The following ZNF83 variants were observed in gnomAD, a reference collection of about 807,000 sequenced individuals.
ZNF83 encodes the protein zinc finger protein 83, also known as zinc finger protein 816B.
For synonymous variants in ZNF83, 209 were observed against 213.0 expected (o/e 0.98, Z 0.17); for missense variants, 552 against 629.9 (o/e 0.88, Z 1.32).
intron 2 of ZNF83, among the ~76,000 whole-genome samples, chr19:52,657,987 T>C (rs557742580): frequency 7.4e-4 from 112 of 151,672 alleles, no homozygotes; most frequent in African/African-American, 2.6e-3. Context: ...AAATACAAAA[T>C]TAGCCGGGTA....
At chr19:52,655,645 C>G (rs1260735452) in exon 3 of ZNF83, 1 of 1,391,164 alleles carries the variant, frequency 7.2e-7, no homozygotes, top group Admixed American at 1.7e-5. Flanking sequence ...TTCCACTCCT[C>G]CAAAGAGAAT....
At chr19:52,652,571 C>A in intron 3 of ZNF83, 1 of 432,556 alleles carries the variant, frequency 2.3e-6, no homozygotes, top group Non-Finnish European at 4.7e-6. Context: ...CGTTTCTTTC[C>A]AGTATGAGTT....
At chr19:52,679,656 T>A (rs190131845) in intron 1 of ZNF83, among the ~76,000 whole-genome samples, 10 of 152,186 alleles carry the variant, frequency 6.6e-5, no homozygotes, top group South Asian at 2.1e-4. Context: ...GAAACACTTA[T>A]CAGTCAGTGT....
intron 2 of ZNF83, chr19:52,618,595 C>T: frequency 3.8e-6 from 1 of 259,882 alleles, no homozygotes; most frequent in Non-Finnish European, 7.2e-6. Flanking sequence ...TGACGTTTCG[C>T]CATGTTGGTG....
intron 1 of ZNF83, among the ~76,000 whole-genome samples, chr19:52,672,907 A>T (rs1027998484): frequency 1.3e-5 from 2 of 152,180 alleles, no homozygotes; most frequent in African/African-American, 4.8e-5. Context: ...AATAATTAAT[A>T]AATAGAACAT....
chr19:52,680,816 G>T (rs928593912), intron 1 of ZNF83, among the ~76,000 whole-genome samples: 15 of 149,858 alleles, frequency 1.0e-4, no homozygotes, highest in South Asian at 2.1e-4. Flanking sequence ...GTTTCACCGT[G>T]TTAGCCAGGA....
intron 3 of ZNF83, chr19:52,653,376 C>G: frequency 9.3e-7 from 1 of 1,078,252 alleles, no homozygotes; most frequent in Non-Finnish European, 1.4e-6. Flanking sequence ...GCTGGAAAAC[C>G]TTGCCACATT....
At chr19:52,683,967 C>T (rs1325693273) in intron 1 of ZNF83, among the ~76,000 whole-genome samples, 2 of 152,156 alleles carry the variant, frequency 1.3e-5, no homozygotes, top group Non-Finnish European at 2.9e-5. Context: ...GGCACAGTGA[C>T]TCCCGTCTGC....
chr19:52,676,443 T>TC (rs1159064392), intron 1 of ZNF83, among the ~76,000 whole-genome samples: 8 of 150,336 alleles, frequency 5.3e-5, no homozygotes, highest in South Asian at 2.1e-4. Flanking sequence ...TGGCCGCCCA[T>TC]GTCTGGGATG....
At chr19:52,670,431 C>A in intron 1 of ZNF83, among the ~76,000 whole-genome samples, 1 of 152,184 alleles carries the variant, frequency 6.6e-6, no homozygotes, top group Admixed American at 6.5e-5. Flanking sequence ...GGTACGCACT[C>A]ACCATTGCTC....
chr19:52,642,253 T>G, upstream of ZNF83, among the ~76,000 whole-genome samples: 2 of 130,070 alleles, frequency 1.5e-5, no homozygotes, highest in African/African-American at 2.9e-5. Flanking sequence ...GTGAGGGGAG[T>G]ATTGTAGCTT....
intron 3 of ZNF83, among the ~76,000 whole-genome samples, chr19:52,647,927 C>G (rs1007075060): frequency 2.0e-5 from 3 of 151,454 alleles, no homozygotes; most frequent in South Asian, 2.1e-4. Flanking sequence ...CTCTCTGGCA[C>G]CCTAGATTCC....
chr19:52,631,091 C>T (rs61383794), intron 2 of ZNF83, among the ~76,000 whole-genome samples: 14,160 of 129,052 alleles, frequency 0.11, 750 homozygotes, highest in South Asian at 0.18. Flanking sequence ...TTGGACTGAC[C>T]CTGACACCCA....
At chr19:52,625,677 A>C (rs767637017) in intron 2 of ZNF83, among the ~76,000 whole-genome samples, 1 of 152,044 alleles carries the variant, frequency 6.6e-6, no homozygotes, top group Non-Finnish European at 1.5e-5. Flanking sequence ...CCTGTATTTC[A>C]CTCCATCCTT....
intron 1 of ZNF83, among the ~76,000 whole-genome samples, chr19:52,684,599 A>C (rs937210535): frequency 6.7e-6 from 1 of 149,980 alleles, no homozygotes; most frequent in African/African-American, 2.4e-5. Flanking sequence ...GATATGATTG[A>C]TGCAGAGATA....
chr19:52,625,179 C>G (rs1403187597), intron 2 of ZNF83, among the ~76,000 whole-genome samples: 2 of 152,094 alleles, frequency 1.3e-5, no homozygotes, highest in Non-Finnish European at 2.9e-5. Context: ...CACTCTGCCC[C>G]ACTCCCACAG....
intron 1 of ZNF83, among the ~76,000 whole-genome samples, chr19:52,667,080 T>C (rs2061664344): frequency 6.6e-6 from 1 of 152,188 alleles, no homozygotes; most frequent in African/African-American, 2.4e-5. Context: ...AATCCCAAAC[T>C]TACAACGTTT....
chr19:52,659,342 C>T (rs759200433), intron 2 of ZNF83, among the ~76,000 whole-genome samples: 1 of 152,070 alleles, frequency 6.6e-6, no homozygotes, highest in Non-Finnish European at 1.5e-5. Flanking sequence ...TTGGTGCCCA[C>T]TCGAGGTTAC....
chr19:52,627,847 C>G (rs1470596266), intron 2 of ZNF83, among the ~76,000 whole-genome samples: 2 of 152,144 alleles, frequency 1.3e-5, no homozygotes, highest in African/African-American at 4.8e-5. Flanking sequence ...CCTGCACGTA[C>G]ACATCCAGAT....
Sources: gnomAD v4.1 joint callset for allele counts (sites outside exome capture counted in the v4.1 genomes callset) on GRCh38, gnomAD v4.1.1 for gene constraint, MANE v1.5 for transcripts, NCBI Gene and HGNC (gene_info 2026-07-23, HGNC 2026-07-21) for gene names.